The following PABPC4L variants were observed in gnomAD, a reference collection of about 807,000 sequenced individuals.
PABPC4L encodes polyadenylate-binding protein 4-like.
For synonymous variants in PABPC4L, 169 were observed against 164.1 expected (o/e 1.03, Z -0.23); for missense variants, 452 against 451.4 (o/e 1.00, Z -0.01).
the PABPC4L span, among the ~76,000 whole-genome samples, chr4:133,968,407 G>A: frequency 2.0e-5 from 3 of 152,174 alleles, no homozygotes; most frequent in African/African-American, 7.2e-5. Context: ...AGGAAATAAA[G>A]GGTGGAGCTA....
the PABPC4L span, among the ~76,000 whole-genome samples, chr4:134,128,487 G>A: frequency 6.6e-6 from 1 of 152,102 alleles, no homozygotes; most frequent in Admixed American, 6.6e-5. Context: ...AGAAGAGACT[G>A]GGGTCCTATC....
chr4:134,192,774 T>C (rs1013621499), downstream of PABPC4L, among the ~76,000 whole-genome samples: 1 of 152,090 alleles, frequency 6.6e-6, no homozygotes, highest in African/African-American at 2.4e-5. Flanking sequence ...AGAGGATTCA[T>C]GCTGTATGAA....
At chr4:134,042,918 A>T in the PABPC4L span, among the ~76,000 whole-genome samples, 2 of 152,098 alleles carry the variant, frequency 1.3e-5, no homozygotes, top group Non-Finnish European at 2.9e-5. Flanking sequence ...CTGTCATTAA[A>T]ATAAAAAGCT....
At chr4:134,103,530 C>T in the PABPC4L span, among the ~76,000 whole-genome samples, 28 of 151,562 alleles carry the variant, frequency 1.8e-4, no homozygotes, top group South Asian at 4.1e-4. Context: ...TAAAAAGATG[C>T]CAATCATATT....
chr4:134,150,885 T>C, the PABPC4L span, among the ~76,000 whole-genome samples: 1 of 152,148 alleles, frequency 6.6e-6, no homozygotes, highest in Admixed American at 6.6e-5. Flanking sequence ...ATATCTCAAA[T>C]GTCCATCAGC....
chr4:134,085,567 C>T, the PABPC4L span, among the ~76,000 whole-genome samples: 2 of 152,110 alleles, frequency 1.3e-5, no homozygotes, highest in African/African-American at 4.8e-5. Context: ...TGTGTCCTAT[C>T]TCAGTCACTA....
chr4:133,955,707 A>G, the PABPC4L span, among the ~76,000 whole-genome samples: 2 of 152,206 alleles, frequency 1.3e-5, no homozygotes, highest in African/African-American at 4.8e-5. Flanking sequence ...TGGCTCATCA[A>G]AAGAATTTCT....
At chr4:134,100,463 C>G in the PABPC4L span, among the ~76,000 whole-genome samples, 1 of 151,564 alleles carries the variant, frequency 6.6e-6, no homozygotes, top group East Asian at 1.9e-4. Flanking sequence ...AAAATACGTT[C>G]ATTTCACTCA....
At chr4:134,129,763 A>G in the PABPC4L span, among the ~76,000 whole-genome samples, 2 of 152,018 alleles carry the variant, frequency 1.3e-5, no homozygotes, top group Non-Finnish European at 2.9e-5. Flanking sequence ...TCATAGGATT[A>G]AATGCCTACA....
At chr4:134,018,188 A>G in the PABPC4L span, among the ~76,000 whole-genome samples, 1 of 150,738 alleles carries the variant, frequency 6.6e-6, no homozygotes, top group African/African-American at 2.4e-5. Flanking sequence ...TGTGACCCCC[A>G]CTCCTGCCCG....
the PABPC4L span, among the ~76,000 whole-genome samples, chr4:134,176,621 A>G: frequency 2.0e-5 from 3 of 152,160 alleles, no homozygotes; most frequent in Non-Finnish European, 4.4e-5. Flanking sequence ...GCTAGTGAAC[A>G]CTAACCCAAC....
At chr4:134,100,478 G>T in the PABPC4L span, among the ~76,000 whole-genome samples, 1 of 151,432 alleles carries the variant, frequency 6.6e-6, no homozygotes, top group Non-Finnish European at 1.5e-5. Flanking sequence ...CACTCATTTG[G>T]TAACCATACC....
chr4:134,200,787 C>T lies in PABPC4L; in HGVS notation c.233G>A (p.Gly78Asp). 1 of 1,551,892 alleles carries T rather than the reference C, an allele frequency of 6.4e-7. No individual in the cohort carries two copies. The highest frequency in any genetic ancestry group is 2.4e-5 in the East Asian group (1 of 40,910). ...LDTMNFDIIK[G>D]KSIRLMWSQR... ...AGACCACATGAGACGGATGGATTTG[C>T]CTTTTATGATGTCAAAGTTCATTGT... The change falls in exon 2 of 2, where the codon GGC (glycine) becomes GAC (aspartate). Residue 78 changes from glycine (G) to aspartate (D), a missense_variant. By Grantham distance (94) the Gly-to-Asp change is moderately conservative (BLOSUM62 -1). Transcript: ENST00000421491.
chr4:134,148,944 C>T, the PABPC4L span, among the ~76,000 whole-genome samples: 102,095 of 151,686 alleles, frequency 0.67, 35,324 homozygotes, highest in East Asian at 1. Flanking sequence ...GTCCAGAAGG[C>T]CAAAAATTGC....
At chr4:134,105,259 A>G in the PABPC4L span, among the ~76,000 whole-genome samples, 2 of 151,784 alleles carry the variant, frequency 1.3e-5, no homozygotes, top group African/African-American at 4.8e-5. Flanking sequence ...ACACACTTCA[A>G]TTTAAAAATA....
At chr4:134,193,815 G>C (rs894533453), downstream of PABPC4L, among the ~76,000 whole-genome samples, 35 of 151,768 alleles carry the variant, frequency 2.3e-4, no homozygotes, top group Non-Finnish European at 3.2e-4. Context: ...AAAGGAGTTA[G>C]TTATATCCAT....
At chr4:133,966,095 C>T in the PABPC4L span, among the ~76,000 whole-genome samples, 1 of 152,028 alleles carries the variant, frequency 6.6e-6, no homozygotes, top group African/African-American at 2.4e-5. Flanking sequence ...TATTCAGAAT[C>T]TACAAGGAAC....
At chr4:134,053,702 A>C in the PABPC4L span, among the ~76,000 whole-genome samples, 2 of 152,110 alleles carry the variant, frequency 1.3e-5, no homozygotes, top group Non-Finnish European at 2.9e-5. Context: ...ATCAGAGCAC[A>C]GGTCTTATGA....
At chr4:134,085,461 G>A in the PABPC4L span, among the ~76,000 whole-genome samples, 2 of 151,542 alleles carry the variant, frequency 1.3e-5, no homozygotes, top group South Asian at 2.1e-4. Flanking sequence ...ACGCACTAAC[G>A]CAAAGTCACA....
Sources: allele counts gnomAD v4.1 joint callset (sites outside exome capture counted in the v4.1 genomes callset), GRCh38; gene constraint gnomAD v4.1.1; transcripts MANE v1.5; gene names NCBI Gene and HGNC (gene_info 2026-07-23, HGNC 2026-07-21).